The following HDX variants were observed in gnomAD, a reference collection of about 807,000 sequenced individuals.
The protein encoded by HDX is chromosome X open reading frame 43.
In HDX, 19 loss-of-function variants were observed where a neutral mutation model predicts 45.2. That is an observed-to-expected ratio of 0.42 (90% confidence interval 0.29 to 0.62). The LOEUF (loss-of-function observed/expected upper bound fraction) is 0.62, where lower values mean the gene tolerates loss of function less well. HDX is among the 20% of genes least tolerant of loss of function. The probability of loss-of-function intolerance (pLI) is 0.20; values close to 1 mark genes in which losing one functional copy is unlikely to be tolerated. For missense variants in HDX, 532 were observed against 493.9 expected, an observed-to-expected ratio of 1.08 and a Z score of -0.73; for synonymous variants, 188 against 172.8, an observed-to-expected ratio of 1.09 and a Z score of -0.69.
chrX:84,420,740 G>A (rs767837424), intron 5 of HDX, among the ~76,000 whole-genome samples: 238 of 110,665 alleles, frequency 2.2e-3, no homozygotes, highest in African/African-American at 7.4e-3. Context: ...CTCTAAGAGC[G>A]GCAAGAGAAG....
intron 5 of HDX, among the ~76,000 whole-genome samples, chrX:84,375,330 A>G (rs1473223710): frequency 9.9e-5 from 11 of 110,757 alleles, no homozygotes; most frequent in Non-Finnish European, 1.9e-4. Flanking sequence ...AGTGGAAGTC[A>G]GTGTGGCGAT....
In HDX at chrX:84,319,387, C is replaced by T. The variant is rs2036557466; in HGVS notation, c.*2502G>A. 9.0e-6 allele frequency: 1 copy of T among 111,432 alleles called. No homozygotes were observed. The highest frequency in any genetic ancestry group is 1.9e-5 in the Non-Finnish European group (1 of 52,607). 9.2% of individuals were successfully genotyped at this position (111,432 alleles called of 1,213,427 possible). On this transcript the variant is annotated 3_prime_UTR_variant, in exon 11 of 11. Coordinates refer to ENST00000373177, the MANE Select transcript of HDX (RefSeq NM_001177479.2). The stretch of plus-strand genomic sequence containing the variant: ...AAAAAATATACTTTCTTCATAACAA[C>T]TTTTCAAAGCTTGACCTTGACATCT...
intron 5 of HDX, among the ~76,000 whole-genome samples, chrX:84,389,157 C>T (rs185106849): frequency 1.8e-5 from 2 of 112,252 alleles, no homozygotes; most frequent in Admixed American, 9.4e-5. Flanking sequence ...CTAATAGCCA[C>T]ATGACTCCTT....
chrX:84,457,865 A>G (rs1042371885), intron 4 of HDX, among the ~76,000 whole-genome samples: 7 of 112,082 alleles, frequency 6.2e-5, no homozygotes, highest in African/African-American at 2.3e-4. Flanking sequence ...TAACATGCTA[A>G]CGTTTTGTTT....
chrX:84,336,091 A>G (rs1470567211), intron 8 of HDX, among the ~76,000 whole-genome samples: 1 of 110,583 alleles, frequency 9.0e-6, no homozygotes, highest in Non-Finnish European at 1.9e-5. Context: ...AAGGACAATG[A>G]CATTCCCCTT....
At chrX:84,479,422 T>C (rs1313079972) in intron 2 of HDX, among the ~76,000 whole-genome samples, 1 of 112,130 alleles carries the variant, frequency 8.9e-6, no homozygotes, top group Non-Finnish European at 1.9e-5. Flanking sequence ...AGTCGTATTT[T>C]ATTGTATTAA....
At chrX:84,465,662 G>A (rs1189130251) in intron 4 of HDX, among the ~76,000 whole-genome samples, 2 of 111,652 alleles carry the variant, frequency 1.8e-5, no homozygotes, top group Non-Finnish European at 1.9e-5. Context: ...ACACACTGGG[G>A]CCCGTTGGGG....
chrX:84,469,756 C>T (rs1426401293), intron 3 of HDX, among the ~76,000 whole-genome samples, 181 bp from the exon 4 acceptor site: 2 of 111,853 alleles, frequency 1.8e-5, no homozygotes, highest in African/African-American at 6.5e-5. Flanking sequence ...TGATCAGGGA[C>T]TCACACTTAA....
intron 5 of HDX, among the ~76,000 whole-genome samples, chrX:84,373,345 G>A (rs181949485): frequency 0.034 from 3,818 of 110,801 alleles, 176 homozygotes; most frequent in African/African-American, 0.12. Context: ...TTGGCACATT[G>A]AAAATTGTGG....
chrX:84,412,732 GAATTT>G (rs60380856), intron 5 of HDX, among the ~76,000 whole-genome samples: 1 of 111,878 alleles, frequency 8.9e-6, no homozygotes, highest in African/African-American at 3.2e-5. Context: ...AGAGGTTGGG[GAATTT>G]TCCATGGATG....
At chrX:84,474,247 C>T (rs2040504384) in intron 3 of HDX, among the ~76,000 whole-genome samples, 1 of 111,086 alleles carries the variant, frequency 9.0e-6, no homozygotes, top group Non-Finnish European at 1.9e-5. Context: ...AGCTGAGATC[C>T]GGCCACTGCA....
intron 6 of HDX, among the ~76,000 whole-genome samples, chrX:84,346,356 A>T (rs1306085513): frequency 9.0e-6 from 1 of 111,523 alleles, no homozygotes; most frequent in Non-Finnish European, 1.9e-5. Context: ...TTCCAGCAAG[A>T]TTTTTGTAGA....
chrX:84,497,556 C>A (rs1156719627), intron 1 of HDX, among the ~76,000 whole-genome samples: 1 of 110,663 alleles, frequency 9.0e-6, no homozygotes, highest in Non-Finnish European at 1.9e-5. Context: ...GCACAATGAG[C>A]CCTTTCCCCT....
chrX:84,420,888 C>A (rs745501493), intron 5 of HDX, among the ~76,000 whole-genome samples: 24 of 111,628 alleles, frequency 2.1e-4, no homozygotes, highest in Admixed American at 5.7e-4. Context: ...ACAACAACAA[C>A]AAAAAACTTT....
intron 5 of HDX, among the ~76,000 whole-genome samples, chrX:84,426,382 C>G (rs892050658): frequency 9.0e-6 from 1 of 110,567 alleles, no homozygotes; most frequent in Non-Finnish European, 1.9e-5. Context: ...TTCACTGCAA[C>G]CAAGATATGA....
rs1358980615 is a variant in HDX at position 84,360,272 on chromosome X, A to G, written c.1452+1194T>C. On this transcript the variant is annotated intron_variant, in intron 6 of 10. Transcript: ENST00000373177. Reference sequence around the variant, plus strand: ...CAGAATGGCAATTATTAAAAAGTCAAGAAACAACAGATGCTGGCAAGGCTG... The same window carrying G: ...CAGAATGGCAATTATTAAAAAGTCAGGAAACAACAGATGCTGGCAAGGCTG... Among the ~76,000 whole-genome samples, 5 of 111,857 alleles carry G rather than the reference A, an allele frequency of 4.5e-5. No individual in the cohort carries two copies. In the East Asian group the frequency reaches 1.1e-3, roughly 25 times the overall value.
At chrX:84,494,050 A>G (rs1389870200) in intron 1 of HDX, among the ~76,000 whole-genome samples, 3 of 111,662 alleles carry the variant, frequency 2.7e-5, no homozygotes, top group East Asian at 2.9e-4. Flanking sequence ...AAAAAGATCA[A>G]TTTCAAATGG....
At chrX:84,386,322 T>C (rs1602359594) in intron 5 of HDX, among the ~76,000 whole-genome samples, 2 of 110,868 alleles carry the variant, frequency 1.8e-5, no homozygotes, top group Non-Finnish European at 3.8e-5. Context: ...TTTTTCTTCA[T>C]TGTGTCTCTG....
chrX:84,393,375 C>A (rs2038487049), intron 5 of HDX, among the ~76,000 whole-genome samples: 1 of 111,473 alleles, frequency 9.0e-6, no homozygotes, highest in African/African-American at 3.3e-5. Context: ...AGTTAAATCC[C>A]ACTTGATCAT....
Sources: allele counts gnomAD v4.1 joint callset (sites outside exome capture counted in the v4.1 genomes callset), GRCh38; gene constraint gnomAD v4.1.1; transcripts MANE v1.5; gene names NCBI Gene and HGNC (gene_info 2026-07-23, HGNC 2026-07-21).